Variants in SBF2 observed in about 807,000 individuals in gnomAD.
SBF2 encodes the protein myotubularin-related protein 13.
Under a neutral mutation model 225.2 loss-of-function variants are expected in SBF2, and 112 were observed. That is an observed-to-expected ratio of 0.50 (90% CI 0.43 to 0.58). The LOEUF (loss-of-function observed/expected upper bound fraction) is 0.58. SBF2 is among the 20% of genes least tolerant of loss of function. The pLI, the probability that SBF2 is intolerant of heterozygous loss-of-function variation, is 0.00. For synonymous variants in SBF2, 763 were observed against 773.3 expected, an observed-to-expected ratio of 0.99 and a Z score of 0.22; for missense variants, 1,996 against 2,206.2, an observed-to-expected ratio of 0.90 and a Z score of 1.91.
At chr11:10,055,645 T>A (rs1950230562) in intron 2 of SBF2, among the ~76,000 whole-genome samples, 1 of 151,544 alleles carries the variant, frequency 6.6e-6, no homozygotes, top group African/African-American at 2.4e-5. Flanking sequence ...AACTGGAGGG[T>A]TATTACCTAA....
chr11:10,173,210 G>A (rs1158595108), intron 2 of SBF2, among the ~76,000 whole-genome samples: 3 of 152,206 alleles, frequency 2.0e-5, no homozygotes, highest in Admixed American at 6.5e-5. Flanking sequence ...CGTGAGCGAC[G>A]CAGAAGACGG....
rs60485793 is a variant in SBF2, at chr11:10,094,528, A to ATTTTTTTT, written c.142-51555_142-51548dup. 2.3e-3 allele frequency among the ~76,000 whole-genome samples: 242 copies of ATTTTTTTT among 107,254 alleles called. 15 individuals carry two copies. The highest frequency in any genetic ancestry group is 4.9e-3 in the East Asian group (16 of 3,256). The allele number at this position is 107,254 out of a possible 152,430, so 70.4% of individuals were successfully genotyped here. A position where few individuals can be genotyped will look rare whatever the true frequency, so the allele number is the denominator to read the frequency against. On this transcript the variant is annotated intron_variant, in intron 2 of 39. Transcript: ENST00000256190. ...TTTTCCCTACTACAAATACACACAG[A>ATTTTTTTT]TTTTTTTTTTTTTTTTTTGAGACAG...
chr11:10,035,277 A>G lies in SBF2; in HGVS notation c.280-4107T>C, dbSNP rs1590806366. Among the ~76,000 whole-genome samples, 2 of 152,146 alleles carry G rather than the reference A, an allele frequency of 1.3e-5. 1 individual carries two copies. Among genetic ancestry groups the G allele is most frequent in the South Asian group, 4.1e-4 (2 of 4,826 alleles). ...GTATGAGCCACCACGCCCAGCCTAA[A>G]GTCTTAAACGTAAGACCTAAAACCA... On this transcript the variant is annotated intron_variant, in intron 3 of 39. Coordinates refer to ENST00000256190, the MANE Select transcript of SBF2 (RefSeq NM_030962.4).
chr11:10,190,632 T>C (rs17360118), intron 2 of SBF2, among the ~76,000 whole-genome samples: 15,499 of 152,202 alleles, frequency 0.1, 948 homozygotes, highest in Non-Finnish European at 0.11. Flanking sequence ...TGAACACATA[T>C]CTATTTTTCA....
chr11:9,856,352 G>C lies in SBF2; in HGVS notation c.2363+106C>G. On this transcript the variant is annotated intron_variant, in intron 19 of 39. Transcript: ENST00000256190. ...AGGTGAGGAAAAATGGTTAACTTTTGAAATATGTACAGCAGTATTTGCTCA... is the reference window on the plus strand; with the variant it reads ...AGGTGAGGAAAAATGGTTAACTTTTCAAATATGTACAGCAGTATTTGCTCA... The C allele has an allele frequency of 2.1e-6, 3 of 1,427,298 alleles. No individual in the cohort carries two copies. In the South Asian group the frequency reaches 3.5e-5, roughly 17 times the overall value. The allele number at this position is 1,427,298 out of a possible 1,614,324, so 88.4% of individuals were successfully genotyped here. A position where few individuals can be genotyped will look rare whatever the true frequency, so the allele number is the denominator to read the frequency against.
At chr11:10,168,172 G>C (rs550223584) in intron 2 of SBF2, among the ~76,000 whole-genome samples, 1 of 152,246 alleles carries the variant, frequency 6.6e-6, no homozygotes, top group Admixed American at 6.5e-5. Flanking sequence ...GTTCTGAGAA[G>C]ACAGCTTTTA....
chr11:10,290,411 T>G (rs1397125526), intron 1 of SBF2, among the ~76,000 whole-genome samples: 1 of 151,526 alleles, frequency 6.6e-6, no homozygotes, highest in Non-Finnish European at 1.5e-5. Flanking sequence ...TGTGTCAGAG[T>G]CTGAGTGGGG....
At chr11:10,177,281 C>T (rs1231415507) in intron 2 of SBF2, among the ~76,000 whole-genome samples, 1 of 149,852 alleles carries the variant, frequency 6.7e-6, no homozygotes, top group Non-Finnish European at 1.5e-5. Context: ...AAAACAGGCA[C>T]AAGACAGGGA....
At chr11:10,220,411 C>A (rs1346143554) in intron 1 of SBF2, among the ~76,000 whole-genome samples, 1 of 152,084 alleles carries the variant, frequency 6.6e-6, no homozygotes, top group Non-Finnish European at 1.5e-5. Flanking sequence ...TACCTCCAAT[C>A]GTTCTAGATT....
intron 3 of SBF2, among the ~76,000 whole-genome samples, chr11:10,032,877 G>T (rs767612125): frequency 6.6e-5 from 10 of 152,090 alleles, no homozygotes; most frequent in Non-Finnish European, 1.5e-4. Flanking sequence ...ATTTTATCAA[G>T]GGAAGTCTTT....
chr11:10,102,482 GT>G (rs1352494583), intron 2 of SBF2, among the ~76,000 whole-genome samples: 14 of 152,194 alleles, frequency 9.2e-5, no homozygotes, highest in Non-Finnish European at 2.9e-5. Flanking sequence ...GTAGAATATG[GT>G]TTTGCTGGGA....
At chr11:10,209,775 A>G (rs1957868445) in intron 1 of SBF2, among the ~76,000 whole-genome samples, 1 of 152,136 alleles carries the variant, frequency 6.6e-6, no homozygotes, top group Admixed American at 6.5e-5. Context: ...GTTCCACTGC[A>G]TATGACAGAA....
At chr11:10,074,846 A>ATATGTGTAATTTAATTTAT (rs1273378943) in intron 2 of SBF2, among the ~76,000 whole-genome samples, 74 of 152,324 alleles carry the variant, frequency 4.9e-4, no homozygotes, top group African/African-American at 1.7e-3. Context: ...CATATATTAA[A>ATATGTGTAATTTAATTTAT]TACAATTTGC....
intron 1 of SBF2, among the ~76,000 whole-genome samples, chr11:10,284,051 G>C (rs547046280): frequency 6.6e-6 from 1 of 152,182 alleles, no homozygotes; most frequent in South Asian, 2.1e-4. Context: ...GATAGTAAGG[G>C]TATCTTTCTA....
chr11:10,114,963 G>T (rs1474251159), intron 2 of SBF2, among the ~76,000 whole-genome samples: 1 of 152,190 alleles, frequency 6.6e-6, no homozygotes, highest in Non-Finnish European at 1.5e-5. Context: ...CAGGGCAGTT[G>T]CATTTGGACA....
At chr11:9,833,230 G>A (rs1855505582) in intron 26 of SBF2, among the ~76,000 whole-genome samples, 1 of 152,180 alleles carries the variant, frequency 6.6e-6, no homozygotes, top group Non-Finnish European at 1.5e-5. Flanking sequence ...TATTTTAAAA[G>A]ATTAGCTTAT....
chr11:9,901,112 T>C (rs2134153360), intron 16 of SBF2, among the ~76,000 whole-genome samples: 1 of 152,326 alleles, frequency 6.6e-6, no homozygotes, highest in African/African-American at 2.4e-5. Flanking sequence ...GCAATTTTTC[T>C]AAAAATAATT....
At chr11:9,915,004 T>A (rs1862955539) in intron 16 of SBF2, among the ~76,000 whole-genome samples, 1 of 151,932 alleles carries the variant, frequency 6.6e-6, no homozygotes, top group African/African-American at 2.4e-5. Flanking sequence ...TTTTAAAAAA[T>A]AAAGTCTATT....
At chr11:10,095,525 A>G (rs2134939212) in intron 2 of SBF2, among the ~76,000 whole-genome samples, 1 of 146,570 alleles carries the variant, frequency 6.8e-6, no homozygotes, top group African/African-American at 2.5e-5. Flanking sequence ...ATAAAAAGGA[A>G]TATCACTGAA....
Sources: allele counts gnomAD v4.1 joint callset (sites outside exome capture counted in the v4.1 genomes callset), GRCh38; gene constraint gnomAD v4.1.1; transcripts MANE v1.5; gene names NCBI Gene and HGNC (gene_info 2026-07-23, HGNC 2026-07-21).